Variants in ZNF595 observed in about 807,000 individuals in gnomAD.
The protein encoded by ZNF595 is zinc finger protein 595.
Under a neutral mutation model 19.4 loss-of-function variants are expected in ZNF595, and 9 were observed. The observed-to-expected ratio is 0.46, with a 90% CI of 0.28 to 0.81. ZNF595 has a LOEUF of 0.81. Among genes scored for constraint, ZNF595 ranks in the 30% least tolerant of loss-of-function variants. The probability of loss-of-function intolerance (pLI) is 0.11; values close to 1 mark genes in which losing one functional copy is unlikely to be tolerated. For missense variants in ZNF595, 729 were observed against 736.0 expected (o/e 0.99, Z 0.11); for synonymous variants, 255 against 255.9 (o/e 1.00, Z 0.03).
chr4:82,642 C>T (rs1214300293), intron 3 of ZNF595, among the ~76,000 whole-genome samples: 1 of 151,834 alleles, frequency 6.6e-6, no homozygotes, highest in Non-Finnish European at 1.5e-5. Flanking sequence ...CCTTGGCCTC[C>T]CAAAGTGCTT....
At chr4:81,186 G>A (rs1553799850) in intron 3 of ZNF595, among the ~76,000 whole-genome samples, 2 of 152,188 alleles carry the variant, frequency 1.3e-5, no homozygotes, top group African/African-American at 4.8e-5. Flanking sequence ...GGCTGCAAGA[G>A]CAGAAAACTT....
intron 3 of ZNF595, chr4:68,356 G>A (rs1581337150): frequency 6.6e-6 from 1 of 152,180 alleles, no homozygotes. Flanking sequence ...GAAGCATAGA[G>A]TTGGGAGTTT....
At chr4:66,440 G>C (rs1581332039) in intron 3 of ZNF595, among the ~76,000 whole-genome samples, 2 of 151,868 alleles carry the variant, frequency 1.3e-5, no homozygotes, top group South Asian at 2.1e-4. Flanking sequence ...AATGTGGAGA[G>C]ATAAATTTAA....
At chr4:70,287 C>T (rs1284135581) in intron 3 of ZNF595, among the ~76,000 whole-genome samples, 3 of 151,092 alleles carry the variant, frequency 2.0e-5, no homozygotes, top group South Asian at 2.1e-4. Context: ...GGTCTAGTTT[C>T]GTTCTTCTGA....
chr4:74,416 A>C (rs1553798363), intron 3 of ZNF595, among the ~76,000 whole-genome samples: 1 of 152,192 alleles, frequency 6.6e-6, no homozygotes, highest in Non-Finnish European at 1.5e-5. Context: ...AGGGCAATAA[A>C]GTTCCCTAGT....
rs1212710142 is a variant in ZNF595, at chr4:88,095, AAT to A, written c.*645_*646del. On this transcript the variant is annotated 3_prime_UTR_variant, in exon 4 of 4. Coordinates refer to ENST00000610261, the MANE Select transcript of ZNF595 (RefSeq NM_182524.4). ...ATGATTATAATAAGTATATGAGTAT[AAT>A]TATAATTCACACATTTCTAAGTCAT... is the stretch of plus-strand genomic sequence containing the variant. 1 of 152,162 alleles carries A rather than the reference AAT, an allele frequency of 6.6e-6. No homozygotes were observed. The highest frequency in any genetic ancestry group is 1.5e-5 in the Non-Finnish European group (1 of 68,030). The allele number at this position is 152,162 out of a possible 1,614,324, so 9.4% of individuals were successfully genotyped here.
intron 3 of ZNF595, among the ~76,000 whole-genome samples, chr4:76,539 ATTTATACT>A (rs1198762019): frequency 6.6e-6 from 1 of 152,032 alleles, no homozygotes; most frequent in African/African-American, 2.4e-5. Flanking sequence ...TTCCAGTAAG[ATTTATACT>A]TTTATATGTT....
At chr4:73,081 A>T (rs553895780) in intron 3 of ZNF595, among the ~76,000 whole-genome samples, 1 of 152,300 alleles carries the variant, frequency 6.6e-6, no homozygotes, top group South Asian at 2.1e-4. Context: ...TGTTACTGTC[A>T]TGGGGCTCTT....
At chr4:61,160 T>TTA (rs1712844669) in intron 3 of ZNF595, among the ~76,000 whole-genome samples, 3 of 151,426 alleles carry the variant, frequency 2.0e-5, no homozygotes, top group Admixed American at 6.6e-5. Flanking sequence ...TTTTTTTCTT[T>TTA]TTTTTTTTTT....
intron 3 of ZNF595, among the ~76,000 whole-genome samples, chr4:70,472 G>C (rs2108754502): frequency 6.6e-6 from 1 of 151,934 alleles, no homozygotes; most frequent in Non-Finnish European, 1.5e-5. Flanking sequence ...GGAGTAGGTG[G>C]GACTACAGGC....
intron 3 of ZNF595, among the ~76,000 whole-genome samples, chr4:66,261 T>G (rs1239127454): frequency 6.6e-6 from 1 of 152,166 alleles, no homozygotes; most frequent in Non-Finnish European, 1.5e-5. Context: ...ATTAGAATTT[T>G]TTTTCAATAA....
chr4:87,751 C>T lies in ZNF595; in HGVS notation c.*300C>T, dbSNP rs191661842. 1,341 of 150,256 alleles carry T rather than the reference C, an allele frequency of 8.9e-3. 11 individuals are homozygous for T. Among genetic ancestry groups the T allele is most frequent in the Non-Finnish European group, 0.013 (1,029 of 76,324 alleles). 9.3% of individuals were successfully genotyped at this position (150,256 alleles called of 1,614,324 possible). ...TTTTTTTTTTTTTGAGACAGAGTCT[C>T]GTTCTGTCGCCCAGGCTGGAGCGCA... On this transcript the variant is annotated 3_prime_UTR_variant, in exon 4 of 4. Transcript: ENST00000610261.
In ZNF595 at chr4:63,145, G is replaced by A. The variant is rs1261031103; in HGVS notation, c.226+2992G>A. Among the ~76,000 whole-genome samples, 40 of 139,166 alleles carry A rather than the reference G, an allele frequency of 2.9e-4. 2 individuals are homozygous for A. The highest frequency in any genetic ancestry group is 1.1e-3 in the African/African-American group (40 of 35,012). The allele number at this position is 139,166 out of a possible 152,430, so 91.3% of individuals were successfully genotyped here. ...CTTGTATGCATGGATATGTTTCTGG[G>A]CTCCCTATTCTGTTGCATTGGTTTT... is the stretch of plus-strand genomic sequence containing the variant. On this transcript the variant is annotated intron_variant, in intron 3 of 3. Transcript: ENST00000610261.
Position 79,009 on chromosome 4 carries a change from C to T in ZNF595, c.227-6722C>T, listed in dbSNP as rs559520697. ...CCCCCGGCCAACATTTTCAAGTATA[C>T]GGTCCAGTGGTGTTAAGTACATTTA... On this transcript the variant is annotated intron_variant, in intron 3 of 3. Transcript: ENST00000610261. Among the ~76,000 whole-genome samples, 170 of 152,276 alleles carry T rather than the reference C, an allele frequency of 1.1e-3. 1 individual carries two copies. Among genetic ancestry groups the T allele is most frequent in the Admixed American group, 1.6e-3 (25 of 15,288 alleles).
At chr4:77,887 T>C (rs1428298091) in intron 3 of ZNF595, among the ~76,000 whole-genome samples, 1 of 152,174 alleles carries the variant, frequency 6.6e-6, no homozygotes, top group Non-Finnish European at 1.5e-5. Flanking sequence ...AACCTGGTCA[T>C]TGGACAGGCT....
Position 87,254 on chromosome 4 carries a change from A to C in ZNF595, c.1750A>C (p.Arg584=). The change falls in exon 4 of 4, where the codon AGA becomes CGA. Residue 584 remains arginine (R), a synonymous_variant. Transcript: ENST00000610261. The stretch of plus-strand genomic sequence containing the variant: ...ATCCTCAACCCTTACTAAACATAAG[A>C]GAATTCATACTGGAGAGAAACCCTT... ...NLSSTLTKHK[R]IHTGEKPFTC... The C allele has an allele frequency of 1.3e-6, 2 of 1,594,832 alleles. No individual in the cohort carries two copies. The highest frequency in any genetic ancestry group is 1.7e-6 in the Non-Finnish European group (2 of 1,167,526).
intron 3 of ZNF595, among the ~76,000 whole-genome samples, chr4:84,106 A>G (rs554173018): frequency 4.6e-5 from 7 of 152,288 alleles, no homozygotes; most frequent in Non-Finnish European, 7.4e-5. Context: ...TCCTCATTAC[A>G]TCTGCCCTCA....
chr4:64,702 A>G (rs1196826638), intron 3 of ZNF595, among the ~76,000 whole-genome samples: 357 of 145,588 alleles, frequency 2.5e-3, no homozygotes, highest in Non-Finnish European at 4.8e-3. Context: ...TTTGAGTGAT[A>G]TGGGGTCTGC....
intron 3 of ZNF595, among the ~76,000 whole-genome samples, chr4:72,600 T>A (rs1162960581): frequency 6.6e-6 from 1 of 152,218 alleles, no homozygotes; most frequent in Non-Finnish European, 1.5e-5. Flanking sequence ...CTGGAAGTGC[T>A]CATAAATGAT....
Sources: gnomAD v4.1 joint callset for allele counts (sites outside exome capture counted in the v4.1 genomes callset) on GRCh38, gnomAD v4.1.1 for gene constraint, MANE v1.5 for transcripts, NCBI Gene and HGNC (gene_info 2026-07-23, HGNC 2026-07-21) for gene names.